Variants in MNS1 observed in about 807,000 individuals in gnomAD.
MNS1 encodes meiosis-specific nuclear structural protein 1.
Under a neutral mutation model 72.0 loss-of-function variants are expected in MNS1, and 63 were observed. The observed-to-expected ratio is 0.87, with a 90% confidence interval of 0.71 to 1.08. MNS1 has a LOEUF of 1.08. MNS1 is among the 50% of genes least tolerant of loss of function. The pLI, the probability that MNS1 is intolerant of heterozygous loss-of-function variation, is 0.00. For synonymous variants in MNS1, 188 were observed against 172.1 expected (o/e 1.09, Z -0.72); for missense variants, 604 against 562.4 (o/e 1.07, Z -0.75).
At chr15:56,445,231 C>T (rs973282200) in intron 4 of MNS1, among the ~76,000 whole-genome samples, 3 of 152,026 alleles carry the variant, frequency 2.0e-5, no homozygotes, top group African/African-American at 7.2e-5. Flanking sequence ...ATCACAGATG[C>T]TACTGTGCCT....
intron 8 of MNS1, 27 bp downstream of exon 8, chr15:56,434,111 C>CA (rs769882132): frequency 1.9e-6 from 3 of 1,598,956 alleles, no homozygotes; most frequent in South Asian, 1.1e-5. Context: ...TGATAATGAC[C>CA]AAAAAAACCC....
chr15:56,449,496 C>T (rs1316747592), intron 3 of MNS1, among the ~76,000 whole-genome samples: 2 of 152,142 alleles, frequency 1.3e-5, no homozygotes, highest in African/African-American at 2.4e-5. Context: ...CACTGGATTT[C>T]GTATTGACTA....
chr15:56,454,432 A>ATAC lies in MNS1; in HGVS notation c.353+1959_353+1961dup, dbSNP rs1399246438. Among the ~76,000 whole-genome samples the ATAC allele has an allele frequency of 2.0e-5, 3 of 152,296 alleles. No homozygotes were observed. The East Asian group carries it at 5.8e-4, about 29-fold the overall frequency. On this transcript the variant is annotated intron_variant, in intron 3 of 9. Coordinates refer to ENST00000260453, the MANE Select transcript of MNS1 (RefSeq NM_018365.4). ...TATAGTCACCCTGCTGTGCTATGAA[A>ATAC]TACTAGGTCCTACTCATTCATTCTA...
chr15:56,461,240 A>C (rs1159649126), intron 2 of MNS1, among the ~76,000 whole-genome samples: 1 of 152,188 alleles, frequency 6.6e-6, no homozygotes, highest in African/African-American at 2.4e-5. Context: ...ACCGAGAATG[A>C]TGTTTTATCA....
intron 3 of MNS1, among the ~76,000 whole-genome samples, chr15:56,451,983 A>C (rs527451239): frequency 2.8e-4 from 42 of 152,318 alleles, no homozygotes; most frequent in Non-Finnish European, 4.4e-4. Flanking sequence ...ATTCTGATAC[A>C]ACATTTCATC....
chr15:56,464,800 C>T lies in MNS1; in HGVS notation c.3+170G>A, dbSNP rs571431904. 2.0e-5 allele frequency among the ~76,000 whole-genome samples: 3 copies of T among 152,322 alleles called. No individual in the cohort carries two copies. The East Asian group carries it at 5.8e-4, about 29-fold the overall frequency. On this transcript the variant is annotated intron_variant, in intron 1 of 9. Coordinates refer to ENST00000260453, the MANE Select transcript of MNS1 (RefSeq NM_018365.4). ...CGAAAAGTGCCAAAAAAGCTGGAAA[C>T]CACCGCGAGCGTCCCTTCTAATAGC...
intron 9 of MNS1, 25 bp from the exon 10 acceptor site, chr15:56,429,218 T>G: frequency 7.1e-7 from 1 of 1,400,138 alleles, no homozygotes; most frequent in Non-Finnish European, 9.9e-7. Context: ...CTTTGTGGGT[T>G]ACTTTTGAAT....
chr15:56,438,499 T>A (rs529599998), intron 7 of MNS1, among the ~76,000 whole-genome samples: 2 of 152,236 alleles, frequency 1.3e-5, no homozygotes, highest in Non-Finnish European at 2.9e-5. Context: ...TAATTCAGGA[T>A]GGATTAAAGA....
intron 2 of MNS1, 133 bp downstream of exon 2, chr15:56,463,893 G>A (rs548207146): frequency 2.5e-4 from 176 of 706,452 alleles, no homozygotes; most frequent in Non-Finnish European, 3.9e-4. Flanking sequence ...CGATTACACC[G>A]AGCTGAGGCA....
intron 4 of MNS1, 73 bp downstream of exon 4, chr15:56,446,768 A>T: frequency 8.6e-7 from 1 of 1,164,286 alleles, no homozygotes; most frequent in Non-Finnish European, 1.2e-6. Context: ...CAATATGACA[A>T]TTTTTTAAGA....
Position 56,443,721 on chromosome 15 carries a change from C to T in MNS1, c.820G>A (p.Ala274Thr), listed in dbSNP as rs765411317. 6.2e-7 allele frequency: 1 copy of T among 1,613,118 alleles called. No individual in the cohort carries two copies. The highest frequency in any genetic ancestry group is 1.1e-5 in the South Asian group (1 of 91,010). The change falls in exon 6 of 10, where the codon GCT (alanine) becomes ACT (threonine). Residue 274 changes from alanine (A) to threonine (T), a missense_variant. Coordinates refer to ENST00000260453, the MANE Select transcript of MNS1 (RefSeq NM_018365.4). The part of the protein sequence containing the change: ...EEENRKIIEF[A>T]NMQQQREEDR... ...TCTTCTCTTTGCTGCTGCATGTTAG[C>T]AAACTCTATGATTTTTCTGTTTTCT...
At chr15:56,437,634 A>G (rs1181902644) in intron 7 of MNS1, among the ~76,000 whole-genome samples, 6 of 152,138 alleles carry the variant, frequency 3.9e-5, no homozygotes, top group African/African-American at 1.4e-4. Flanking sequence ...GGCAGGAGAA[A>G]GAAAGAAAGG....
At chr15:56,457,489 G>A (rs962481874) in intron 2 of MNS1, among the ~76,000 whole-genome samples, 1 of 152,174 alleles carries the variant, frequency 6.6e-6, no homozygotes, top group African/African-American at 2.4e-5. Flanking sequence ...AATGTAAAAT[G>A]GTACAGGCAT....
At chr15:56,441,589 C>G (rs949190915) in intron 7 of MNS1, among the ~76,000 whole-genome samples, 2 of 152,072 alleles carry the variant, frequency 1.3e-5, no homozygotes, top group East Asian at 3.9e-4. Flanking sequence ...AGTTTCTTCA[C>G]AGGAAATGAA....
rs770367820 is a variant in MNS1, at chr15:56,443,690, C to G, written c.851G>C (p.Arg284Pro). 1.7e-5 allele frequency: 27 copies of G among 1,613,188 alleles called. No homozygotes were observed. The African/African-American group carries it at 3.1e-4, about 18-fold the overall frequency. The change falls in exon 6 of 10, where the codon CGG (arginine) becomes CCG (proline). Residue 284 changes from arginine to proline, a missense_variant. Coordinates refer to ENST00000260453, the MANE Select transcript of MNS1 (RefSeq NM_018365.4). ...CTCATTTTCTTGAACTTTTGCCATCCGATCTTCTTCTCTTTGCTGCTGCAT... is the reference window on the plus strand; with the variant it reads ...CTCATTTTCTTGAACTTTTGCCATCGGATCTTCTTCTCTTTGCTGCTGCAT... ...ANMQQQREED[R>P]MAKVQENEEK...
At chr15:56,438,751 C>G (rs35570374) in intron 7 of MNS1, among the ~76,000 whole-genome samples, 2 of 151,860 alleles carry the variant, frequency 1.3e-5, no homozygotes, top group African/African-American at 4.8e-5. Flanking sequence ...CCCATCTGAC[C>G]AAGGGGTAAT....
In MNS1 at chr15:56,443,462, C is replaced by T. The variant is rs2050853059; in HGVS notation, c.979G>A (p.Glu327Lys). The change falls in exon 7 of 10, where the codon GAA (glutamate) becomes AAA (lysine). Residue 327 changes from glutamate (E) to lysine (K), a missense_variant. Transcript: ENST00000260453. Reference protein sequence around the residue: ...EQVRQELYQEEQAEIYKSKLK... With the variant: ...EQVRQELYQEKQAEIYKSKLK... ...TTGCTCTTATATATTTCAGCTTGTT[C>T]TTCCTGGTATAATTCTTGTCGCACT... 6.3e-7 allele frequency: 1 copy of T among 1,591,830 alleles called. No homozygotes were observed. The highest frequency in any genetic ancestry group is 8.5e-7 in the Non-Finnish European group (1 of 1,173,696).
intron 3 of MNS1, among the ~76,000 whole-genome samples, chr15:56,452,552 T>C (rs1235134090): frequency 1.3e-5 from 2 of 150,812 alleles, no homozygotes; most frequent in African/African-American, 2.4e-5. Context: ...AGAGTCTCTC[T>C]CTGTCGCCCA....
intron 7 of MNS1, among the ~76,000 whole-genome samples, chr15:56,439,492 CTG>C (rs1377226586): frequency 2.0e-5 from 3 of 151,908 alleles, no homozygotes; most frequent in African/African-American, 7.3e-5. Flanking sequence ...GTATTCAAAA[CTG>C]TGTAGTATTG....
Sources: allele counts gnomAD v4.1 joint callset (sites outside exome capture counted in the v4.1 genomes callset), GRCh38; gene constraint gnomAD v4.1.1; transcripts MANE v1.5; gene names NCBI Gene and HGNC (gene_info 2026-07-23, HGNC 2026-07-21).